ATXN7L1: variants seen among roughly 807,000 people sequenced by gnomAD.
ATXN7L1 encodes ataxin-7-like protein 1.
A neutral mutation model predicts 70.8 loss-of-function variants in ATXN7L1; 15 were observed. That is an observed-to-expected ratio of 0.21 (90% CI 0.14 to 0.33). The LOEUF is 0.33. Ranked by LOEUF, ATXN7L1 falls within the 10% of genes least tolerant of loss-of-function variation. The pLI, the probability that ATXN7L1 is intolerant of heterozygous loss-of-function variation, is 1.00. For synonymous variants in ATXN7L1, 440 were observed against 445.1 expected (o/e 0.99, Z 0.14); for missense variants, 975 against 1,097.1 (o/e 0.89, Z 1.57).
At chr7:105,712,271 G>A (rs1584801738) in intron 3 of ATXN7L1, among the ~76,000 whole-genome samples, 1 of 152,322 alleles carries the variant, frequency 6.6e-6, no homozygotes, top group East Asian at 1.9e-4. Flanking sequence ...GAAGGTCTCT[G>A]GAATGCCCTG....
chr7:105,821,254 G>A (rs1284151452), intron 2 of ATXN7L1, among the ~76,000 whole-genome samples: 1 of 152,076 alleles, frequency 6.6e-6, no homozygotes, highest in Non-Finnish European at 1.5e-5. Context: ...GGTCAGGCTG[G>A]TCTTGAACTC....
chr7:105,819,793 C>T (rs1809829532), intron 2 of ATXN7L1: 2 of 666,058 alleles, frequency 3.0e-6, no homozygotes, highest in Non-Finnish European at 5.7e-6. Flanking sequence ...CCTGGAGCGC[C>T]TCAAGGTGTT....
At chr7:105,805,026 A>G (rs1807352556) in intron 2 of ATXN7L1, among the ~76,000 whole-genome samples, 1 of 152,252 alleles carries the variant, frequency 6.6e-6, no homozygotes, top group South Asian at 2.1e-4. Flanking sequence ...AAGAACCAAT[A>G]AAGAACAGAA....
At chr7:105,628,234 G>A (rs556167872) in intron 7 of ATXN7L1, among the ~76,000 whole-genome samples, 2 of 152,226 alleles carry the variant, frequency 1.3e-5, no homozygotes, top group South Asian at 4.1e-4. Context: ...ATCAAAAAAT[G>A]TAGATGAAGC....
At chr7:105,709,056 G>A (rs576788908) in intron 3 of ATXN7L1, among the ~76,000 whole-genome samples, 2 of 149,820 alleles carry the variant, frequency 1.3e-5, no homozygotes, top group Admixed American at 6.6e-5. Context: ...ATTTCTGGCC[G>A]GGCGTATTGG....
intron 4 of ATXN7L1, among the ~76,000 whole-genome samples, chr7:105,663,255 G>C (rs1802000104): frequency 6.6e-6 from 1 of 152,146 alleles, no homozygotes; most frequent in African/African-American, 2.4e-5. Context: ...GGATGGACCC[G>C]CAATCCCAAC....
intron 3 of ATXN7L1, among the ~76,000 whole-genome samples, chr7:105,738,707 G>A (rs552578941): frequency 9.9e-5 from 15 of 152,272 alleles, no homozygotes; most frequent in African/African-American, 3.4e-4. Context: ...CCCTCTGCAC[G>A]GTATCTGTGC....
chr7:105,755,306 G>A (rs1799678619), intron 3 of ATXN7L1, among the ~76,000 whole-genome samples: 1 of 152,164 alleles, frequency 6.6e-6, no homozygotes, highest in South Asian at 2.1e-4. Flanking sequence ...ATTTCAGAAT[G>A]GCACTTTCAG....
At chr7:105,719,025 G>A (rs991673135) in intron 3 of ATXN7L1, among the ~76,000 whole-genome samples, 22 of 152,134 alleles carry the variant, frequency 1.4e-4, no homozygotes, top group African/African-American at 5.3e-4. Context: ...ATTCCAGGAT[G>A]AGCAAGACTA....
intron 3 of ATXN7L1, among the ~76,000 whole-genome samples, chr7:105,764,227 T>A (rs887853008): frequency 8.6e-5 from 13 of 151,326 alleles, no homozygotes; most frequent in Non-Finnish European, 1.5e-4. Context: ...TTTTACAAAA[T>A]CAATCTCAGT....
At chr7:105,699,814 C>T (rs1792210818) in intron 3 of ATXN7L1, among the ~76,000 whole-genome samples, 1 of 152,190 alleles carries the variant, frequency 6.6e-6, no homozygotes, top group African/African-American at 2.4e-5. Flanking sequence ...CTTTCAGCTT[C>T]CCCGCTTTCT....
At chr7:105,746,149 G>A (rs189273078) in intron 3 of ATXN7L1, among the ~76,000 whole-genome samples, 16 of 152,100 alleles carry the variant, frequency 1.1e-4, no homozygotes, top group African/African-American at 2.2e-4. Context: ...CCTCAGTGCC[G>A]CCACCACCAG....
At chr7:105,856,064 A>G (rs890267532) in intron 2 of ATXN7L1, among the ~76,000 whole-genome samples, 2 of 152,198 alleles carry the variant, frequency 1.3e-5, no homozygotes, top group African/African-American at 2.4e-5. Context: ...ACCATTATTC[A>G]GTTCAGCAAG....
chr7:105,638,306 T>G (rs1400281712), intron 7 of ATXN7L1, 47 bp downstream of exon 7: 1 of 1,519,440 alleles, frequency 6.6e-7, no homozygotes, highest in Non-Finnish European at 8.9e-7. Context: ...AGCAAGCTAG[T>G]CACTTGACCA....
intron 3 of ATXN7L1, among the ~76,000 whole-genome samples, chr7:105,786,349 C>T (rs1191913907): frequency 6.6e-6 from 1 of 152,168 alleles, no homozygotes; most frequent in Non-Finnish European, 1.5e-5. Context: ...GCAGGTGTAT[C>T]AGCTCTGCTA....
chr7:105,621,810 A>G (rs1320298490), intron 8 of ATXN7L1, among the ~76,000 whole-genome samples: 1 of 152,122 alleles, frequency 6.6e-6, no homozygotes, highest in Non-Finnish European at 1.5e-5. Context: ...CATTCCACAA[A>G]CCCGTCCTGG....
rs751898584 is a variant in ATXN7L1, at chr7:105,642,889, T to G, written c.811A>C (p.Lys271Gln). The G allele has an allele frequency of 1.0e-5, 16 of 1,551,632 alleles. No individual in the cohort carries two copies. The Admixed American group carries it at 2.0e-4, about 19-fold the overall frequency. Residue 271 changes from lysine (K) to glutamine (Q), a missense_variant, in exon 5 of 12, where the codon AAA becomes CAA. Transcript: ENST00000419735. The part of the protein sequence containing the change: ...KGILPTTIDK[K>Q]HQNGTKNSNK... ...CTGTTTTTGGTGCCATTTTGGTGTTTCTTGTCTATGGTGGTTGGCAGAATT... is the reference window on the plus strand; with the variant it reads ...CTGTTTTTGGTGCCATTTTGGTGTTGCTTGTCTATGGTGGTTGGCAGAATT...
intron 3 of ATXN7L1, among the ~76,000 whole-genome samples, chr7:105,774,597 C>A (rs1802471691): frequency 6.6e-6 from 1 of 152,098 alleles, no homozygotes; most frequent in Non-Finnish European, 1.5e-5. Flanking sequence ...AAGTAATCCA[C>A]CTGCCTCAGC....
At chr7:105,796,316 C>T (rs769688113) in intron 2 of ATXN7L1, among the ~76,000 whole-genome samples, 21 of 152,116 alleles carry the variant, frequency 1.4e-4, no homozygotes, top group African/African-American at 2.9e-4. Flanking sequence ...GAACAGAGAT[C>T]GCGCCACTGT....
Sources: allele counts gnomAD v4.1 joint callset (sites outside exome capture counted in the v4.1 genomes callset), GRCh38; gene constraint gnomAD v4.1.1; transcripts MANE v1.5; gene names NCBI Gene and HGNC (gene_info 2026-07-23, HGNC 2026-07-21).